Variants in SCAPER observed in about 807,000 individuals in gnomAD.
The protein encoded by SCAPER is S-phase cyclin A associated protein in the ER.
Under a neutral mutation model 182.2 loss-of-function variants are expected in SCAPER, and 98 were observed. That is an observed-to-expected ratio of 0.54 (90% CI 0.46 to 0.64). SCAPER has a LOEUF of 0.64. Ranked by LOEUF, SCAPER falls within the 30% of genes least tolerant of loss-of-function variation. The probability of loss-of-function intolerance (pLI) is 0.00; values close to 1 mark genes in which losing one functional copy is unlikely to be tolerated. For missense variants in SCAPER, 1,432 were observed against 1,690.0 expected (o/e 0.85, Z 2.68); for synonymous variants, 605 against 564.6 (o/e 1.07, Z -1.01).
At chr15:76,798,484 G>A (rs2065503568) in intron 7 of SCAPER, among the ~76,000 whole-genome samples, 3 of 148,220 alleles carry the variant, frequency 2.0e-5, no homozygotes, top group Admixed American at 6.7e-5. Flanking sequence ...GAAAGGGGCA[G>A]AAAAAAAAAC....
chr15:76,836,054 T>C (rs902969838), intron 5 of SCAPER, among the ~76,000 whole-genome samples: 25 of 150,264 alleles, frequency 1.7e-4, no homozygotes, highest in African/African-American at 5.9e-4. Flanking sequence ...AATGGAAACA[T>C]ATTCCATGCT....
intron 24 of SCAPER, among the ~76,000 whole-genome samples, chr15:76,473,500 T>A (rs1040352397): frequency 1.3e-5 from 2 of 152,200 alleles, no homozygotes; most frequent in Non-Finnish European, 2.9e-5. Context: ...AACGTTTATT[T>A]TGGCCTGTCT....
chr15:76,506,462 A>C (rs903807291), intron 23 of SCAPER, among the ~76,000 whole-genome samples: 11 of 152,142 alleles, frequency 7.2e-5, no homozygotes, highest in African/African-American at 2.7e-4. Context: ...GATAGTTATA[A>C]ATAAGGTGAT....
intron 1 of SCAPER, among the ~76,000 whole-genome samples, chr15:76,891,301 T>C (rs2074150515): frequency 1.3e-5 from 2 of 152,160 alleles, no homozygotes; most frequent in Non-Finnish European, 2.9e-5. Flanking sequence ...TTCAACACAG[T>C]GTTGGAAATT....
chr15:76,473,884 C>G (rs2050404226), intron 24 of SCAPER, among the ~76,000 whole-genome samples: 1 of 152,074 alleles, frequency 6.6e-6, no homozygotes, highest in African/African-American at 2.4e-5. Flanking sequence ...CTCACTGCAA[C>G]CTCTGACTCC....
In SCAPER at chr15:76,504,993, A is replaced by G; in HGVS notation, c.2839-19T>C. 6.3e-7 allele frequency: 1 copy of G among 1,593,016 alleles called. No homozygotes were observed. The highest frequency in any genetic ancestry group is 8.6e-7 in the Non-Finnish European group (1 of 1,165,804). ...CCACATTCTAGACAGAAATACAAAC[A>G]GAAGTTAGCCCAATTTCCCAGGCAT... On this transcript the variant is annotated intron_variant, in intron 23 of 31. Coordinates refer to ENST00000563290, the MANE Select transcript of SCAPER (RefSeq NM_020843.4).
intron 4 of SCAPER, among the ~76,000 whole-genome samples, chr15:76,850,480 T>G (rs2070626297): frequency 6.6e-6 from 1 of 152,192 alleles, no homozygotes; most frequent in Non-Finnish European, 1.5e-5. Context: ...AGAACTCCAG[T>G]AATTCAAATG....
chr15:76,734,577 C>T (rs981960265), intron 15 of SCAPER, among the ~76,000 whole-genome samples: 2 of 152,132 alleles, frequency 1.3e-5, no homozygotes, highest in Non-Finnish European at 2.9e-5. Flanking sequence ...CTGTACTGAA[C>T]GTACTCAAAA....
intron 23 of SCAPER, among the ~76,000 whole-genome samples, chr15:76,510,349 G>C (rs1311278399): frequency 1.3e-5 from 2 of 152,082 alleles, no homozygotes; most frequent in Non-Finnish European, 1.5e-5. Context: ...CTAATATCTA[G>C]AGACTACAAG....
intron 26 of SCAPER, among the ~76,000 whole-genome samples, chr15:76,427,867 A>G (rs1232930785): frequency 6.6e-6 from 1 of 150,892 alleles, no homozygotes; most frequent in Non-Finnish European, 1.5e-5. Context: ...TGGGTAGCAG[A>G]GGTTGCAGTG....
At chr15:76,727,042 A>G (rs1401905339) in intron 17 of SCAPER, among the ~76,000 whole-genome samples, 1 of 139,444 alleles carries the variant, frequency 7.2e-6, no homozygotes, top group Non-Finnish European at 1.6e-5. Flanking sequence ...AGCATACAAA[A>G]ATCCTTTATA....
intron 26 of SCAPER, among the ~76,000 whole-genome samples, chr15:76,423,339 T>C (rs2046187152): frequency 6.6e-6 from 1 of 152,226 alleles, no homozygotes; most frequent in Non-Finnish European, 1.5e-5. Flanking sequence ...CTTCCTGGTT[T>C]AGTCTTGGAA....
At chr15:76,754,034 A>G (rs557561470) in intron 14 of SCAPER, 86 bp from the exon 15 acceptor site, 17 of 1,418,608 alleles carry the variant, frequency 1.2e-5, no homozygotes, top group Middle Eastern at 3.7e-4. Flanking sequence ...CTTATGAAAT[A>G]TAAACTCTAA....
chr15:76,547,707 A>C (rs573315726), intron 23 of SCAPER, among the ~76,000 whole-genome samples: 1 of 130,158 alleles, frequency 7.7e-6, no homozygotes, highest in East Asian at 2.1e-4. Flanking sequence ...CCACTCATTG[A>C]TTGATTGATG....
chr15:76,541,516 C>A (rs962923696), intron 23 of SCAPER, among the ~76,000 whole-genome samples: 1 of 152,158 alleles, frequency 6.6e-6, no homozygotes, highest in South Asian at 2.1e-4. Context: ...TGGACATCAT[C>A]GAGATTTTCC....
intron 15 of SCAPER, among the ~76,000 whole-genome samples, chr15:76,742,559 C>T (rs1297553323): frequency 1.4e-5 from 2 of 144,888 alleles, no homozygotes; most frequent in African/African-American, 5.1e-5. Flanking sequence ...ATGAGACCAT[C>T]AAGAAACTGA....
intron 23 of SCAPER, among the ~76,000 whole-genome samples, chr15:76,543,519 A>T (rs1157054847): frequency 6.6e-6 from 1 of 152,166 alleles, no homozygotes; most frequent in South Asian, 2.1e-4. Context: ...TGTGGACAGA[A>T]GCTGCATGTT....
intron 15 of SCAPER, among the ~76,000 whole-genome samples, chr15:76,748,210 G>A (rs748291877): frequency 1.1e-4 from 16 of 151,908 alleles, no homozygotes; most frequent in South Asian, 2.1e-4. Context: ...GGCTGGTCTC[G>A]AACTCTGGAC....
chr15:76,354,226 G>A lies in SCAPER; in HGVS notation c.3856-86C>T. The stretch of plus-strand genomic sequence containing the variant: ...CTGCACAGTGTCGGCTAGTACCATG[G>A]AAAACATGCTGAAGGAGTGTAAAGA... On this transcript the variant is annotated intron_variant, in intron 29 of 31. Transcript: ENST00000563290. This position sits in a 1 kb window ranked among gnomAD's most constrained non-coding sequence, Gnocchi z 4.4. The A allele has an allele frequency of 8.0e-7, 1 of 1,246,688 alleles. No individual in the cohort carries two copies. Among genetic ancestry groups the A allele is most frequent in the Non-Finnish European group, 1.1e-6 (1 of 913,132 alleles). The allele number at this position is 1,246,688 out of a possible 1,614,324, so 77.2% of individuals were successfully genotyped here.
Sources: allele counts gnomAD v4.1 joint callset (sites outside exome capture counted in the v4.1 genomes callset), GRCh38; gene constraint gnomAD v4.1.1; non-coding constraint Gnocchi (gnomAD v3.1); transcripts MANE v1.5; gene names NCBI Gene and HGNC (gene_info 2026-07-23, HGNC 2026-07-21).